ERO1B: variants seen among roughly 807,000 people sequenced by gnomAD.
ERO1B encodes the protein ERO1-like protein beta.
In ERO1B, 49 loss-of-function variants were observed where a neutral mutation model predicts 75.3. The observed-to-expected ratio is 0.65, with a 90% CI of 0.52 to 0.83. The LOEUF (loss-of-function observed/expected upper bound fraction) is 0.83, where lower values mean the gene tolerates loss of function less well. ERO1B is among the 40% of genes least tolerant of loss of function. ERO1B has a pLI of 0.00. For missense variants in ERO1B, 512 were observed against 560.1 expected (o/e 0.91, Z 0.87); for synonymous variants, 191 against 192.9 (o/e 0.99, Z 0.08).
chr1:236,252,957 A>AG lies in ERO1B; in HGVS notation c.306+464dup, dbSNP rs200051233. On this transcript the variant is annotated intron_variant, in intron 3 of 15. Coordinates refer to ENST00000354619, the MANE Select transcript of ERO1B (RefSeq NM_019891.4). The stretch of plus-strand genomic sequence containing the variant: ...GTAGCATTCTCTTGGTATTAAGTAT[A>AG]GGTTTTTTTTTAAATGTAAATGTAA... Among the ~76,000 whole-genome samples, 935 of 134,886 alleles carry AG rather than the reference A, an allele frequency of 6.9e-3. 11 individuals carry two copies. Among genetic ancestry groups the AG allele is most frequent in the East Asian group, 0.025 (56 of 2,228 alleles). The allele number at this position is 134,886 out of a possible 152,430, so 88.5% of individuals were successfully genotyped here. A position where few individuals can be genotyped will look rare whatever the true frequency, so the allele number is the denominator to read the frequency against.
At position 236,278,552 on chromosome 1, in the gene ERO1B, C is replaced by T. The variant is rs531754513; in HGVS notation, c.102+3130G>A. 3.3e-5 allele frequency among the ~76,000 whole-genome samples: 5 copies of T among 152,144 alleles called. No individual in the cohort carries two copies. In the East Asian group the frequency reaches 5.8e-4, roughly 18 times the overall value. Reference sequence around the variant, plus strand: ...GGTTTAGGAGAAGCCCTCAGAGTAACGGACTGGTATAGCACTATTTAAGTT... The same window carrying T: ...GGTTTAGGAGAAGCCCTCAGAGTAATGGACTGGTATAGCACTATTTAAGTT... On this transcript the variant is annotated intron_variant, in intron 1 of 15. Transcript: ENST00000354619.
rs1553372701 is a variant in ERO1B at position 236,250,601 on chromosome 1, A to ATATAT, written c.349-639_349-635dup. Reference sequence around the variant, plus strand: ...TATATATATATATATATATATATATATATATATATATATATATCAAACGTG... The same window carrying ATATAT: ...TATATATATATATATATATATATATATATATTATATATATATATATATCAAACGTG... On this transcript the variant is annotated intron_variant, in intron 4 of 15. Coordinates refer to ENST00000354619, the MANE Select transcript of ERO1B (RefSeq NM_019891.4). 3.0e-4 allele frequency among the ~76,000 whole-genome samples: 19 copies of ATATAT among 63,928 alleles called. 1 individual carries two copies. The highest frequency in any genetic ancestry group is 1.0e-3 in the African/African-American group (18 of 17,766). 41.9% of individuals were successfully genotyped at this position (63,928 alleles called of 152,430 possible).
intron 9 of ERO1B, 54 bp downstream of exon 9, chr1:236,232,774 T>A: frequency 2.6e-6 from 4 of 1,548,582 alleles, no homozygotes; most frequent in Non-Finnish European, 3.5e-6. Context: ...AAATTCTGAT[T>A]GTTACAAAAA....
chr1:236,241,398 A>T (rs201649517), intron 6 of ERO1B, among the ~76,000 whole-genome samples: 1 of 148,854 alleles, frequency 6.7e-6, no homozygotes, highest in Non-Finnish European at 1.5e-5. Context: ...AAAAAAAAAA[A>T]TTAGCTGTGC....
At chr1:236,263,226 TAAAC>T (rs1477367708) in intron 2 of ERO1B, among the ~76,000 whole-genome samples, 5 of 149,876 alleles carry the variant, frequency 3.3e-5, no homozygotes, top group Admixed American at 1.3e-4. Context: ...TCCAGGAAAA[TAAAC>T]AAAAACTTCA....
At chr1:236,235,926 C>G in intron 7 of ERO1B, 91 bp from the exon 8 acceptor site, 1 of 1,142,400 alleles carries the variant, frequency 8.8e-7, no homozygotes, top group South Asian at 1.4e-5. Context: ...CTCCCCTCCC[C>G]ACCCTCTTTT....
intron 2 of ERO1B, among the ~76,000 whole-genome samples, chr1:236,268,578 C>A (rs980103470): frequency 9.9e-5 from 15 of 152,194 alleles, no homozygotes; most frequent in African/African-American, 3.4e-4. Context: ...CATGGCAAGA[C>A]CCTGTCTCTA....
At chr1:236,221,886 G>T in intron 14 of ERO1B, 38 bp downstream of exon 14, 2 of 1,490,820 alleles carry the variant, frequency 1.3e-6, no homozygotes, top group Non-Finnish European at 1.9e-6. Context: ...AAAAATAAAG[G>T]TTAGTAATGG....
chr1:236,276,995 C>T (rs975019001), intron 1 of ERO1B, among the ~76,000 whole-genome samples: 1 of 152,134 alleles, frequency 6.6e-6, no homozygotes, highest in Non-Finnish European at 1.5e-5. Flanking sequence ...GCAGCACTTC[C>T]CCGATTGTAA....
chr1:236,230,303 G>T, intron 9 of ERO1B, 53 bp from the exon 10 acceptor site: 1 of 1,428,302 alleles, frequency 7.0e-7, no homozygotes, highest in South Asian at 1.2e-5. Context: ...TTATAAAGTA[G>T]AATAAATTAG....
chr1:236,281,599 T>TG (rs56307934), intron 1 of ERO1B, 83 bp downstream of exon 1: 61 of 1,031,928 alleles, frequency 5.9e-5, no homozygotes, highest in South Asian at 8.8e-5. Flanking sequence ...TGCCCGGCCC[T>TG]CCCCGCGTCA....
At chr1:236,271,663 TTA>T (rs1259764219) in intron 1 of ERO1B, among the ~76,000 whole-genome samples, 2 of 151,538 alleles carry the variant, frequency 1.3e-5, no homozygotes, top group Non-Finnish European at 2.9e-5. Flanking sequence ...TGATTGTTTT[TTA>T]TATATAATAT....
rs749806725 is a variant in ERO1B at position 236,220,924 on chromosome 1, T to C, written c.1251A>G (p.Glu417=). 1.9e-6 allele frequency: 3 copies of C among 1,603,340 alleles called. No homozygotes were observed. Among genetic ancestry groups the C allele is most frequent in the Middle Eastern group, 1.7e-4 (1 of 6,040 alleles). Residue 417 remains glutamate, a synonymous_variant, in exon 15 of 16, where the codon GAA becomes GAG. Transcript: ENST00000354619. ...TCTCTGGAAGCTTTTGGATTTCTTT[T>C]TCAGAGAATAATATCTTCAGGGCAG... ...LGTALKILFS[E]KEIQKLPENS...
In ERO1B at chr1:236,216,426, T is replaced by C. The variant is rs1663978470; in HGVS notation, c.*2090A>G. The stretch of plus-strand genomic sequence containing the variant: ...AAATAAAAACACATACACAAAAATG[T>C]AGGCTGCCCCTACAATCTAATTTAT... On this transcript the variant is annotated 3_prime_UTR_variant, in exon 16 of 16. Coordinates refer to ENST00000354619, the MANE Select transcript of ERO1B (RefSeq NM_019891.4). 1 of 152,176 alleles carries C rather than the reference T, an allele frequency of 6.6e-6. No homozygotes were observed. The highest frequency in any genetic ancestry group is 2.4e-5 in the African/African-American group (1 of 41,456). 9.4% of individuals were successfully genotyped at this position (152,176 alleles called of 1,614,324 possible).
chr1:236,281,490 C>T (rs1270886077), intron 1 of ERO1B, 192 bp downstream of exon 1: 3 of 399,436 alleles, frequency 7.5e-6, no homozygotes, highest in Non-Finnish European at 1.3e-5. Flanking sequence ...GTCCCCCCAC[C>T]CTGCGGGCGG....
intron 6 of ERO1B, 63 bp downstream of exon 6, chr1:236,243,359 T>C: frequency 8.6e-7 from 1 of 1,163,194 alleles, no homozygotes. Flanking sequence ...TTTTCATTGA[T>C]TAAAATGTCT....
chr1:236,277,406 G>GA (rs1385146361), intron 1 of ERO1B, among the ~76,000 whole-genome samples: 1,807 of 116,848 alleles, frequency 0.015, 31 homozygotes, highest in African/African-American at 0.044. Flanking sequence ...TCTACTCCAG[G>GA]AAAAAAAAAA....
In ERO1B at chr1:236,270,095, G is replaced by A. The variant is rs188137986; in HGVS notation, c.103-101C>T. ...TGTAATTTATTCATTCAAGTTAGCC[G>A]GTACTTGCTGATTAAGATATAACAT... On this transcript the variant is annotated intron_variant, in intron 1 of 15. Coordinates refer to ENST00000354619, the MANE Select transcript of ERO1B (RefSeq NM_019891.4). 3.6e-4 allele frequency: 296 copies of A among 827,472 alleles called. 2 individuals carry two copies. The African/African-American group carries it at 4.5e-3, about 12-fold the overall frequency. 51.3% of individuals were successfully genotyped at this position (827,472 alleles called of 1,614,324 possible).
rs750790195 is a variant in ERO1B, at chr1:236,269,956, G to A, written c.141C>T (p.Asp47=). The A allele has an allele frequency of 3.1e-6, 5 of 1,602,434 alleles. No homozygotes were observed. The highest frequency in any genetic ancestry group is 4.5e-5 in the East Asian group (2 of 44,762). The change falls in exon 2 of 16, where the codon GAC becomes GAT. Residue 47 remains aspartate, a synonymous_variant. Transcript: ENST00000354619. ...GVLDDCLCDI[D]SIDNFNTYKI... ...TGTAGGTATTGAAGTTATCGATGCTGTCAATATCACACAAGCAATCATCCA... is the reference window on the plus strand; with the variant it reads ...TGTAGGTATTGAAGTTATCGATGCTATCAATATCACACAAGCAATCATCCA...
Sources: allele counts gnomAD v4.1 joint callset (sites outside exome capture counted in the v4.1 genomes callset), GRCh38; gene constraint gnomAD v4.1.1; transcripts MANE v1.5; gene names NCBI Gene and HGNC (gene_info 2026-07-23, HGNC 2026-07-21).